DSCAM: variants seen among roughly 807,000 people sequenced by gnomAD.
DSCAM encodes the protein DS cell adhesion molecule.
In DSCAM, 47 loss-of-function variants were observed where a neutral mutation model predicts 217.7. That is an observed-to-expected ratio of 0.22 (90% CI 0.17 to 0.28). DSCAM has a LOEUF of 0.28. Among genes scored for constraint, DSCAM ranks in the 10% least tolerant of loss-of-function variants. DSCAM has a pLI of 1.00. For missense variants in DSCAM, 2,080 were observed against 2,618.3 expected (o/e 0.79, Z 4.49); for synonymous variants, 1,056 against 1,015.3 (o/e 1.04, Z -0.76).
chr21:40,762,067 A>G (rs1465286355), intron 1 of DSCAM, among the ~76,000 whole-genome samples: 1 of 152,238 alleles, frequency 6.6e-6, no homozygotes, highest in Non-Finnish European at 1.5e-5. Flanking sequence ...AAGCAAGAGC[A>G]AACGAATTCA....
chr21:40,221,470 T>C (rs188995952), intron 11 of DSCAM, among the ~76,000 whole-genome samples: 52 of 148,626 alleles, frequency 3.5e-4, no homozygotes, highest in Admixed American at 3.1e-3. Context: ...ATGATATGCA[T>C]AATATAAAAT....
intron 3 of DSCAM, among the ~76,000 whole-genome samples, chr21:40,582,076 T>C (rs2076909900): frequency 6.6e-6 from 1 of 152,150 alleles, no homozygotes; most frequent in African/African-American, 2.4e-5. Flanking sequence ...AGTTTAGGAT[T>C]ATGGTCCTAA....
chr21:40,222,749 C>T (rs2091299578), intron 11 of DSCAM, among the ~76,000 whole-genome samples: 2 of 152,116 alleles, frequency 1.3e-5, no homozygotes, highest in African/African-American at 4.8e-5. Context: ...AGTGTAATCT[C>T]TAGTACAGCA....
At chr21:40,558,956 T>C (rs2076694380) in intron 3 of DSCAM, among the ~76,000 whole-genome samples, 1 of 152,202 alleles carries the variant, frequency 6.6e-6, no homozygotes, top group Admixed American at 6.5e-5. Context: ...CATAAAACAG[T>C]GCCCGATTAA....
chr21:40,156,343 G>GAGAGAGAGAGAGAGAGAGAGAGA (rs1601393026), intron 16 of DSCAM, among the ~76,000 whole-genome samples: 1 of 147,698 alleles, frequency 6.8e-6, no homozygotes, highest in Non-Finnish European at 1.5e-5. Flanking sequence ...GAGAGAGAAA[G>GAGAGAGAGAGAGAGAGAGAGAGA]GGGCTTGTAA....
At chr21:40,017,318 C>T (rs2088176801) in intron 32 of DSCAM, among the ~76,000 whole-genome samples, 1 of 152,082 alleles carries the variant, frequency 6.6e-6, no homozygotes, top group Admixed American at 6.6e-5. Context: ...CATTGTTGCA[C>T]CACTTGGGAT....
At position 40,085,559 on chromosome 21, in the gene DSCAM, ACATGTAAAAGATAT is replaced by A. The variant is rs769015454; in HGVS notation, c.4132+29_4132+42del. 3.5e-6 allele frequency: 5 copies of A among 1,414,396 alleles called. No homozygotes were observed. In the East Asian group the frequency reaches 1.3e-4, roughly 36 times the overall value. The allele number at this position is 1,414,396 out of a possible 1,614,324, so 87.6% of individuals were successfully genotyped here. A position where few individuals can be genotyped will look rare whatever the true frequency, so the allele number is the denominator to read the frequency against. ...GTGCTACTTTTTGCATAGAAAGCAT[ACATGTAAAAGATAT>A]CATTAAAAAGAGTCCTCAAATGTTG... is the stretch of plus-strand genomic sequence containing the variant. On this transcript the variant is annotated intron_variant, in intron 23 of 32. Coordinates refer to ENST00000400454, the MANE Select transcript of DSCAM (RefSeq NM_001389.5).
intron 20 of DSCAM, among the ~76,000 whole-genome samples, chr21:40,102,499 G>A (rs2089765324): frequency 6.6e-6 from 1 of 152,140 alleles, no homozygotes; most frequent in African/African-American, 2.4e-5. Flanking sequence ...TAAGGGTTGT[G>A]AGGAAGTTAG....
chr21:40,670,069 G>C (rs948976144), intron 3 of DSCAM, among the ~76,000 whole-genome samples: 8 of 151,998 alleles, frequency 5.3e-5, no homozygotes, highest in African/African-American at 1.9e-4. Context: ...TATAGTACTA[G>C]TTCAAGTTAA....
chr21:40,083,753 G>A (rs1322709695), intron 24 of DSCAM, among the ~76,000 whole-genome samples, 155 bp downstream of exon 24: 1 of 152,138 alleles, frequency 6.6e-6, no homozygotes, highest in Non-Finnish European at 1.5e-5. Context: ...ATAAATGTAT[G>A]GTTTCTTTCT....
chr21:40,209,429 T>C (rs2091159951), intron 11 of DSCAM, among the ~76,000 whole-genome samples: 1 of 152,174 alleles, frequency 6.6e-6, no homozygotes, highest in South Asian at 2.1e-4. Flanking sequence ...TCTGCTCTCT[T>C]TTCCACTCTT....
intron 3 of DSCAM, among the ~76,000 whole-genome samples, chr21:40,376,538 G>GATATCT (rs1491431572): frequency 5.5e-5 from 3 of 54,430 alleles, no homozygotes; most frequent in African/African-American, 2.0e-4. Context: ...TATAGATATC[G>GATATCT]ATATATCTTA....
chr21:40,229,603 T>A (rs1398543601), intron 11 of DSCAM, among the ~76,000 whole-genome samples: 1 of 152,228 alleles, frequency 6.6e-6, no homozygotes, highest in Non-Finnish European at 1.5e-5. Flanking sequence ...AATGGAGTCA[T>A]AGAGTATCCA....
intron 1 of DSCAM, among the ~76,000 whole-genome samples, chr21:40,824,565 A>T (rs2091953398): frequency 6.6e-6 from 1 of 151,850 alleles, no homozygotes; most frequent in South Asian, 2.1e-4. Context: ...GCAGGCCACC[A>T]TCCCCAGCTT....
chr21:40,460,631 C>T lies in DSCAM; in HGVS notation c.509-91386G>A, dbSNP rs184743780. On this transcript the variant is annotated intron_variant, in intron 3 of 32. Transcript: ENST00000400454. ...ATCCATTAAAGAAAAAAATCAACCA[C>T]CCAAAAACATGATGGATGAGGGACA... 2.6e-5 allele frequency among the ~76,000 whole-genome samples: 4 copies of T among 152,162 alleles called. No individual in the cohort carries two copies. In the East Asian group the frequency reaches 7.7e-4, roughly 29 times the overall value.
At chr21:40,311,501 A>T (rs1569056655) in intron 9 of DSCAM, among the ~76,000 whole-genome samples, 1 of 152,178 alleles carries the variant, frequency 6.6e-6, no homozygotes, top group Non-Finnish European at 1.5e-5. Flanking sequence ...CCCTATTTTA[A>T]TTTTTTTGAA....
At chr21:40,432,221 T>TATAAATAA (rs980618588) in intron 3 of DSCAM, among the ~76,000 whole-genome samples, 1 of 149,690 alleles carries the variant, frequency 6.7e-6, no homozygotes, top group Non-Finnish European at 1.5e-5. Flanking sequence ...AAAATAAATA[T>TATAAATAA]ATAAATAAAT....
At chr21:40,489,755 A>G (rs2076059813) in intron 3 of DSCAM, among the ~76,000 whole-genome samples, 1 of 118,740 alleles carries the variant, frequency 8.4e-6, no homozygotes, top group South Asian at 3.0e-4. Flanking sequence ...AGCCTGGGCG[A>G]CAGGGCGAGA....
intron 3 of DSCAM, among the ~76,000 whole-genome samples, chr21:40,479,198 G>T (rs930447647): frequency 6.6e-6 from 1 of 152,124 alleles, no homozygotes; most frequent in East Asian, 1.9e-4. Context: ...CAGAGACATG[G>T]CCATGAGTAA....
Sources: allele counts gnomAD v4.1 joint callset (sites outside exome capture counted in the v4.1 genomes callset), GRCh38; gene constraint gnomAD v4.1.1; transcripts MANE v1.5; gene names NCBI Gene and HGNC (gene_info 2026-07-23, HGNC 2026-07-21).